Variants in EFEMP2 observed in about 807,000 individuals in gnomAD.
The protein encoded by EFEMP2 is EGF-like fibulin extracellular matrix protein 2.
EFEMP2 carries 21 observed loss-of-function variants against 55.3 expected under a neutral mutation model. The observed-to-expected ratio is 0.38, with a 90% confidence interval of 0.27 to 0.55. The LOEUF is 0.55. Among genes scored for constraint, EFEMP2 ranks in the 20% least tolerant of loss-of-function variants. The pLI, the probability that EFEMP2 is intolerant of heterozygous loss-of-function variation, is 0.77. For missense variants in EFEMP2, 513 were observed against 615.1 expected (o/e 0.83, Z 1.76); for synonymous variants, 275 against 242.3 (o/e 1.14, Z -1.25).
At chr11:65,867,133 CCCCTGCCCCAGCGTCACCT>C in intron 10 of EFEMP2, 54 bp from the exon 11 acceptor site, 1 of 1,605,424 alleles carries the variant, frequency 6.2e-7, no homozygotes, top group Non-Finnish European at 8.5e-7. Flanking sequence ...GTGTGCTAGG[CCCCTGCCCCAGCGTCACCT>C]CCCTGCCCCG....
chr11:65,869,704 C>G (rs1859929587), intron 7 of EFEMP2, 153 bp downstream of exon 7: 2 of 1,205,544 alleles, frequency 1.7e-6, no homozygotes, highest in Non-Finnish European at 2.4e-6. Flanking sequence ...TGGGAGTGCT[C>G]CACAGCCAGC....
Position 65,867,110 on chromosome 11 carries a change from A to G in EFEMP2, c.1171-31T>C, listed in dbSNP as rs201815777. ...GGGCAGTGGGTGGGGGGACATATAT[A>G]TTGTGTCAGCCTGTGTGCTAGGCCC... On this transcript the variant is annotated intron_variant, in intron 10 of 10. Coordinates refer to ENST00000307998, the MANE Select transcript of EFEMP2 (RefSeq NM_016938.5). 56 of 1,612,420 alleles carry G rather than the reference A, an allele frequency of 3.5e-5. No individual in the cohort carries two copies. In the East Asian group the frequency reaches 1.0e-3, roughly 29 times the overall value.
Position 65,870,210 on chromosome 11 carries a change from CAGT to C in EFEMP2, c.515_517del (p.Tyr172del), listed in dbSNP as rs1208686725. ...AGGCAGGTTCACGCAGCGGTGCTGG[CAGT>C]AGCGGTAGCGGCACTCGTCTATGTC... On this transcript the variant is annotated inframe_deletion, in exon 6 of 11. Transcript: ENST00000307998. 6.2e-7 allele frequency: 1 copy of C among 1,613,484 alleles called. No homozygotes were observed.
chr11:65,869,074 C>T (rs556092235), intron 7 of EFEMP2: 86 of 282,476 alleles, frequency 3.0e-4, no homozygotes, highest in Non-Finnish European at 5.0e-4. Flanking sequence ...CATTTCCTTT[C>T]TCTTGTTCCC....
In EFEMP2 at chr11:65,872,259, C is replaced by A. The variant is rs1011011078; in HGVS notation, c.96G>T (p.Glu32Asp). 9.7e-6 allele frequency: 15 copies of A among 1,551,482 alleles called. No homozygotes were observed. The highest frequency in any genetic ancestry group is 1.7e-4 in the Middle Eastern group (1 of 6,014). ...LGSASPQDSE[E>D]PDSYTECTDG... ...CTGTCCCCACCGTGTAGCTGTCGGG[C>A]TCTTCAGAATCCTGAGGAGAAGCTG... The change falls in exon 2 of 11, where the codon GAG becomes GAT. Residue 32 changes from glutamate to aspartate, a missense_variant. Glu to Asp is a conservative substitution (Grantham distance 45). Coordinates refer to ENST00000307998, the MANE Select transcript of EFEMP2 (RefSeq NM_016938.5).
intron 4 of EFEMP2, 44 bp from the exon 5 acceptor site, chr11:65,870,702 C>T (rs1234820947): frequency 6.2e-7 from 1 of 1,613,192 alleles, no homozygotes; most frequent in South Asian, 1.1e-5. Flanking sequence ...TCCCGCACAC[C>T]ACCCAACATG....
chr11:65,867,933 G>A lies in EFEMP2; in HGVS notation c.1098C>T (p.Thr366=), dbSNP rs201189405. The A allele has an allele frequency of 5.0e-6, 8 of 1,614,144 alleles. No homozygotes were observed. The African/African-American group carries it at 5.3e-5, about 11-fold the overall frequency. Residue 366 remains threonine (T), a synonymous_variant, in exon 10 of 11, where the codon ACC becomes ACT. Coordinates refer to ENST00000307998, the MANE Select transcript of EFEMP2 (RefSeq NM_016938.5). ...VPADVFQIQA[T]SVYPGAYNAF... ...CATTGTAGGCACCGGGGTAGACGGA[G>A]GTCGCCTGGATCTGGAACACGTCAG...
At position 65,868,565 on chromosome 11, in the gene EFEMP2, A is replaced by G. The variant is rs1565273163; in HGVS notation, c.792T>C (p.Arg264=). 6.2e-7 allele frequency: 1 copy of G among 1,613,990 alleles called. No individual in the cohort carries two copies. The highest frequency in any genetic ancestry group is 1.3e-5 in the African/African-American group (1 of 75,046). ...AACCCTGTGGGCAGTGGCAGGAGAAACGGCCTGGCTCGTTGATGCAGCGGT... is the reference window on the plus strand; with the variant it reads ...AACCCTGTGGGCAGTGGCAGGAGAAGCGGCCTGGCTCGTTGATGCAGCGGT... ...CQYRCINEPG[R]FSCHCPQGYQ... is the part of the protein sequence containing the mutation. Residue 264 remains arginine, a synonymous_variant, in exon 8 of 11, where the codon CGT becomes CGC. Coordinates refer to ENST00000307998, the MANE Select transcript of EFEMP2 (RefSeq NM_016938.5).
At chr11:65,871,487 C>G in intron 3 of EFEMP2, 124 bp from the exon 4 acceptor site, 2 of 946,978 alleles carry the variant, frequency 2.1e-6, no homozygotes, top group East Asian at 5.0e-5. Flanking sequence ...CCACTCTGCT[C>G]AACAAGCTAA....
At chr11:65,871,658 T>TG (rs1383956592) in intron 3 of EFEMP2, 1 of 595,198 alleles carries the variant, frequency 1.7e-6, no homozygotes, top group Non-Finnish European at 3.0e-6. Context: ...TACCCACCCC[T>TG]GGGGACGCTA....
rs554858171 is a variant in EFEMP2 at position 65,871,956 on chromosome 11, C to A, written c.160+14G>T. ...CGGGTTCCTGGGGGTGTTTGGTCCCCCAGGCACACACACCCCGGCAGTGCT... is the reference window on the plus strand; with the variant it reads ...CGGGTTCCTGGGGGTGTTTGGTCCCACAGGCACACACACCCCGGCAGTGCT... On this transcript the variant is annotated intron_variant, in intron 3 of 10. Coordinates refer to ENST00000307998, the MANE Select transcript of EFEMP2 (RefSeq NM_016938.5). The A allele has an allele frequency of 7.7e-6, 12 of 1,551,496 alleles. No individual in the cohort carries two copies. The African/African-American group carries it at 1.6e-4, about 21-fold the overall frequency.
At chr11:65,871,109 G>T (rs368858643) in intron 4 of EFEMP2, 48 bp downstream of exon 4, 5 of 1,603,806 alleles carry the variant, frequency 3.1e-6, no homozygotes, top group Non-Finnish European at 4.3e-6. Context: ...AGTTTAAGAC[G>T]CCTGGTGAGA....
Position 65,867,782 on chromosome 11 carries a change from C to A in EFEMP2, c.1170+79G>T, listed in dbSNP as rs371165587. ...TGGGGGAGGGGTGGGGCATAGCAGC[C>A]TGGCCGAGTTCCCCCTTAAGGCGTC... On this transcript the variant is annotated intron_variant, in intron 10 of 10. Transcript: ENST00000307998. 5.0e-5 allele frequency: 76 copies of A among 1,526,628 alleles called. No individual in the cohort carries two copies. The East Asian group carries it at 1.4e-3, about 28-fold the overall frequency. 94.6% of individuals were successfully genotyped at this position (1,526,628 alleles called of 1,614,324 possible).
At chr11:65,868,105 C>T (rs1265346894) in intron 9 of EFEMP2, 49 bp from the exon 10 acceptor site, 3 of 1,597,662 alleles carry the variant, frequency 1.9e-6, no homozygotes, top group Non-Finnish European at 2.6e-6. Context: ...GCCCGTCCCC[C>T]CAATTTCTCC....
rs887826206 is a variant in EFEMP2 at position 65,867,910 on chromosome 11, T to C, written c.1121A>G (p.Asn374Ser). ...QATSVYPGAY[N>S]AFQIRAGNSQ... The stretch of plus-strand genomic sequence containing the variant: ...GTTTCCAGCACGGATCTGAAAGGCA[T>C]TGTAGGCACCGGGGTAGACGGAGGT... The change falls in exon 10 of 11, where the codon AAT becomes AGT. Residue 374 changes from asparagine to serine, a missense_variant. Coordinates refer to ENST00000307998, the MANE Select transcript of EFEMP2 (RefSeq NM_016938.5). 4 of 1,614,096 alleles carry C rather than the reference T, an allele frequency of 2.5e-6. No individual in the cohort carries two copies. The highest frequency in any genetic ancestry group is 2.2e-5 in the East Asian group (1 of 44,876).
chr11:65,871,246 C>T lies in EFEMP2; in HGVS notation c.278G>A (p.Gly93Asp), dbSNP rs74685183. The T allele has an allele frequency of 6.2e-7, 1 of 1,614,048 alleles. No individual in the cohort carries two copies. The highest frequency in any genetic ancestry group is 2.2e-5 in the East Asian group (1 of 44,882). ...AGGCACTGGTGGCGGGGGTCCCTCG[C>T]CGTGTAGGTCGTTGATGACGGCAGC... The part of the protein sequence containing the change: ...RSAAVINDLH[G>D]EGPPPPVPPA... The change falls in exon 4 of 11, where the codon GGC becomes GAC. Residue 93 changes from glycine to aspartate, a missense_variant. By Grantham distance (94) the Gly-to-Asp change is moderately conservative. Transcript: ENST00000307998.
Position 65,871,239 on chromosome 11 carries a change from T to C in EFEMP2, c.285A>G (p.Gly95=), listed in dbSNP as rs770828807. ...GAGCGGGAGGCACTGGTGGCGGGGGTCCCTCGCCGTGTAGGTCGTTGATGA... is the reference window on the plus strand; with the variant it reads ...GAGCGGGAGGCACTGGTGGCGGGGGCCCCTCGCCGTGTAGGTCGTTGATGA... The part of the protein sequence containing the change: ...AAVINDLHGE[G]PPPPVPPAQH... The change falls in exon 4 of 11, where the codon GGA becomes GGG. Residue 95 remains glycine (G), a synonymous_variant. Coordinates refer to ENST00000307998, the MANE Select transcript of EFEMP2 (RefSeq NM_016938.5). 6.2e-7 allele frequency: 1 copy of C among 1,613,698 alleles called. No homozygotes were observed. Among genetic ancestry groups the C allele is most frequent in the Non-Finnish European group, 8.5e-7 (1 of 1,179,804 alleles).
Position 65,866,713 on chromosome 11 carries a change from C to T in EFEMP2, c.*205G>A, listed in dbSNP as rs1859850013. The T allele has an allele frequency of 1.4e-6, 1 of 732,764 alleles. No homozygotes were observed. Among genetic ancestry groups the T allele is most frequent in the African/African-American group, 1.7e-5 (1 of 57,682 alleles). 45.4% of individuals were successfully genotyped at this position (732,764 alleles called of 1,614,324 possible). On this transcript the variant is annotated 3_prime_UTR_variant, in exon 11 of 11. Coordinates refer to ENST00000307998, the MANE Select transcript of EFEMP2 (RefSeq NM_016938.5). ...CTCCTGTCAATGGGGGCCCCTGGGC[C>T]TGAACATATAGAGACCCCCATTTAG...
intron 2 of EFEMP2, 66 bp downstream of exon 2, chr11:65,872,178 C>A (rs1160009639): frequency 2.0e-6 from 3 of 1,511,118 alleles, no homozygotes; most frequent in Non-Finnish European, 2.7e-6. Context: ...GCAGCAGTCA[C>A]CCTGGGTCCC....
Sources: gnomAD v4.1 joint callset for allele counts on GRCh38, gnomAD v4.1.1 for gene constraint, MANE v1.5 for transcripts, NCBI Gene and HGNC (gene_info 2026-07-23, HGNC 2026-07-21) for gene names.